The following IL1RAPL1 variants were observed in gnomAD, a reference collection of about 807,000 sequenced individuals.
IL1RAPL1 encodes the protein interleukin-1 receptor accessory protein-like 1.
In IL1RAPL1, 3 loss-of-function variants were observed where a neutral mutation model predicts 48.4. The ratio of observed to expected loss-of-function variants is 0.06; its 90% CI spans 0.03 to 0.16. IL1RAPL1 has a LOEUF of 0.16. Among genes scored for constraint, IL1RAPL1 ranks in the 10% least tolerant of loss-of-function variants. The probability of loss-of-function intolerance (pLI) is 1.00; values close to 1 mark genes in which losing one functional copy is unlikely to be tolerated. For synonymous variants in IL1RAPL1, 185 were observed against 187.7 expected (o/e 0.99, Z 0.12); for missense variants, 349 against 530.6 (o/e 0.66, Z 3.36).
intron 2 of IL1RAPL1, among the ~76,000 whole-genome samples, chrX:28,943,279 G>A (rs1024153075): frequency 9.1e-6 from 1 of 109,744 alleles, no homozygotes; most frequent in African/African-American, 3.3e-5. Flanking sequence ...TTGGCAGGGG[G>A]ATAGAGAGAC....
At chrX:28,809,583 G>T (rs1336150302) in intron 2 of IL1RAPL1, among the ~76,000 whole-genome samples, 1 of 110,514 alleles carries the variant, frequency 9.0e-6, no homozygotes, top group East Asian at 2.9e-4. Context: ...AGGTAGTGAC[G>T]AAGAATCATG....
intron 6 of IL1RAPL1, among the ~76,000 whole-genome samples, chrX:29,805,265 C>T (rs1467096495): frequency 2.7e-5 from 3 of 111,760 alleles, no homozygotes; most frequent in Admixed American, 9.6e-5. Flanking sequence ...ATTTCTGTAA[C>T]ATATCACTCA....
intron 1 of IL1RAPL1, among the ~76,000 whole-genome samples, chrX:28,703,478 G>A (rs1331554484): frequency 9.0e-6 from 1 of 111,202 alleles, no homozygotes; most frequent in African/African-American, 3.3e-5. Flanking sequence ...AGGTTCCATT[G>A]TATAATTACA....
rs148028440 is a variant in IL1RAPL1 at position 29,507,639 on chromosome X, G to A, written c.703+108331G>A. 4.5e-3 allele frequency among the ~76,000 whole-genome samples: 477 copies of A among 105,416 alleles called. 3 individuals carry two copies. Among genetic ancestry groups the A allele is most frequent in the Non-Finnish European group, 6.1e-3 (315 of 51,534 alleles). The allele number at this position is 105,416 out of a possible 115,157, so 91.5% of individuals were successfully genotyped here. A position where few individuals can be genotyped will look rare whatever the true frequency, so the allele number is the denominator to read the frequency against. On this transcript the variant is annotated intron_variant, in intron 5 of 10. Transcript: ENST00000378993. ...CTTTATTCTTAAAAAAACAACTTACGGAAGGACTCAAAACATATGATACCC... is the reference window on the plus strand; with the variant it reads ...CTTTATTCTTAAAAAAACAACTTACAGAAGGACTCAAAACATATGATACCC...
intron 3 of IL1RAPL1, among the ~76,000 whole-genome samples, chrX:29,327,972 C>T (rs1158773700): frequency 1.8e-5 from 2 of 111,885 alleles, no homozygotes; most frequent in African/African-American, 3.2e-5. Context: ...TGCAGTCTGT[C>T]GTTTGTTGAA....
intron 6 of IL1RAPL1, among the ~76,000 whole-genome samples, chrX:29,775,848 T>A (rs1757697006): frequency 9.0e-6 from 1 of 111,510 alleles, no homozygotes; most frequent in Non-Finnish European, 1.9e-5. Context: ...TCCTTTTGTC[T>A]TTCCTTATTA....
At chrX:29,900,390 G>A (rs55650676) in intron 6 of IL1RAPL1, among the ~76,000 whole-genome samples, 17,467 of 111,563 alleles carry the variant, frequency 0.16, 1,075 homozygotes, top group Middle Eastern at 0.2. Flanking sequence ...GACCTTGAGT[G>A]TCAAGAAAGT....
intron 2 of IL1RAPL1, among the ~76,000 whole-genome samples, chrX:29,097,964 T>C (rs774776997): frequency 8.9e-6 from 1 of 112,051 alleles, no homozygotes; most frequent in African/African-American, 3.2e-5. Context: ...AATATAACTA[T>C]GTATGGATTT....
At chrX:28,953,787 T>G (rs1036841916) in intron 2 of IL1RAPL1, among the ~76,000 whole-genome samples, 1 of 111,522 alleles carries the variant, frequency 9.0e-6, no homozygotes, top group Non-Finnish European at 1.9e-5. Flanking sequence ...AAAGTTTAGT[T>G]TTAATGCCAG....
At chrX:29,634,601 A>C (rs1924904867) in intron 5 of IL1RAPL1, among the ~76,000 whole-genome samples, 1 of 111,463 alleles carries the variant, frequency 9.0e-6, no homozygotes, top group Non-Finnish European at 1.9e-5. Flanking sequence ...ACCCAAGAGA[A>C]AAGACCTGCC....
intron 6 of IL1RAPL1, among the ~76,000 whole-genome samples, chrX:29,842,254 A>C (rs1164487783): frequency 8.9e-6 from 1 of 112,313 alleles, no homozygotes; most frequent in Non-Finnish European, 1.9e-5. Flanking sequence ...CTGGGCCTCC[A>C]TTTTAGGATT....
intron 3 of IL1RAPL1, among the ~76,000 whole-genome samples, chrX:29,320,745 A>G (rs935551913): frequency 3.6e-5 from 4 of 110,470 alleles, no homozygotes; most frequent in East Asian, 2.8e-4. Flanking sequence ...CAGCCTGGAC[A>G]ACAGAGTGAG....
chrX:28,862,205 G>A (rs1185170337), intron 2 of IL1RAPL1, among the ~76,000 whole-genome samples: 1 of 112,063 alleles, frequency 8.9e-6, no homozygotes, highest in Non-Finnish European at 1.9e-5. Context: ...TTTATTGTGT[G>A]CTTATGTATA....
chrX:29,632,366 G>T (rs1335586916), intron 5 of IL1RAPL1, among the ~76,000 whole-genome samples: 1 of 109,939 alleles, frequency 9.1e-6, no homozygotes, highest in African/African-American at 3.3e-5. Context: ...AGCCAGGATG[G>T]TCTCGATCTC....
rs749871463 is a variant in IL1RAPL1 at position 29,000,343 on chromosome X, ATTC to A, written c.82+210921_82+210923del. On this transcript the variant is annotated intron_variant, in intron 2 of 10. Coordinates refer to ENST00000378993, the MANE Select transcript of IL1RAPL1 (RefSeq NM_014271.4). ...CTTTCTTTTTGTCTTGCAAATTACT[ATTC>A]TTTTTCTCTCTCATTTCCACCCTAG... is the stretch of plus-strand genomic sequence containing the variant. Among the ~76,000 whole-genome samples, 231 of 111,486 alleles carry A rather than the reference ATTC, an allele frequency of 2.1e-3. 2 individuals carry two copies. The highest frequency in any genetic ancestry group is 7.1e-3 in the African/African-American group (219 of 30,747).
intron 5 of IL1RAPL1, among the ~76,000 whole-genome samples, chrX:29,636,898 G>A (rs1924981738): frequency 9.1e-6 from 1 of 109,601 alleles, no homozygotes; most frequent in Non-Finnish European, 1.9e-5. Flanking sequence ...ATTAGCCGGT[G>A]GTACAAATAC....
intron 6 of IL1RAPL1, among the ~76,000 whole-genome samples, chrX:29,817,278 G>C (rs778539817): frequency 7.3e-4 from 82 of 111,915 alleles, no homozygotes; most frequent in Non-Finnish European, 1.4e-3. Context: ...AGCTGCTTTG[G>C]TGGTACACTT....
chrX:29,402,286 T>G (rs1934004506), intron 5 of IL1RAPL1, among the ~76,000 whole-genome samples: 1 of 111,345 alleles, frequency 9.0e-6, no homozygotes, highest in Non-Finnish European at 1.9e-5. Context: ...ATCTTCTCCT[T>G]TGTCACATCC....
intron 1 of IL1RAPL1, among the ~76,000 whole-genome samples, chrX:28,706,633 C>T (rs750790358): frequency 3.6e-5 from 4 of 111,314 alleles, no homozygotes; most frequent in Admixed American, 2.9e-4. Flanking sequence ...AGGCTGGTCT[C>T]GGACTCCTGA....
Sources: allele counts gnomAD v4.1 joint callset (sites outside exome capture counted in the v4.1 genomes callset), GRCh38; gene constraint gnomAD v4.1.1; transcripts MANE v1.5; gene names NCBI Gene and HGNC (gene_info 2026-07-23, HGNC 2026-07-21).